Variants in HMCN1 observed in about 807,000 individuals in gnomAD.
HMCN1 encodes hemicentin 1.
HMCN1 carries 321 observed loss-of-function variants against 625.9 expected under a neutral mutation model. The ratio of observed to expected loss-of-function variants is 0.51; its 90% CI spans 0.47 to 0.56. The LOEUF is 0.56. Among genes scored for constraint, HMCN1 ranks in the 20% least tolerant of loss-of-function variants. HMCN1 has a pLI of 0.00. For synonymous variants in HMCN1, 2,425 were observed against 2,417.6 expected, an observed-to-expected ratio of 1.00 and a Z score of -0.09; for missense variants, 6,588 against 6,887.3, an observed-to-expected ratio of 0.96 and a Z score of 1.54.
intron 1 of HMCN1, among the ~76,000 whole-genome samples, chr1:185,823,905 A>G (rs1660351468): frequency 6.6e-6 from 1 of 152,152 alleles, no homozygotes; most frequent in Non-Finnish European, 1.5e-5. Context: ...ATGTGCGACT[A>G]TTTCTACTTT....
rs1030476336 is a variant in HMCN1 at position 186,115,406 on chromosome 1, C to T, written c.11553C>T (p.Asn3851=). 1.7e-5 allele frequency: 27 copies of T among 1,612,868 alleles called. No homozygotes were observed. Among genetic ancestry groups the T allele is most frequent in the Non-Finnish European group, 2.1e-5 (25 of 1,179,478 alleles). The change falls in exon 75 of 107, where the codon AAC becomes AAT. Residue 3851 remains asparagine, a synonymous_variant. Transcript: ENST00000271588. ...GHLLNVDQNQ[N]SYRLLSSGSL... is the part of the protein sequence containing the mutation. ...TTCTTAATGTGGATCAAAATCAGAA[C>T]TCATACAGGTAAGGATAATTTAAAA...
intron 105 of HMCN1, among the ~76,000 whole-genome samples, chr1:186,185,345 T>C (rs1310866879): frequency 6.6e-6 from 1 of 152,174 alleles, no homozygotes; most frequent in African/African-American, 2.4e-5. Flanking sequence ...ATAAGGCTAA[T>C]TGAATTTCAC....
At chr1:185,776,118 TTGA>T (rs1656586760) in intron 1 of HMCN1, among the ~76,000 whole-genome samples, 1 of 152,232 alleles carries the variant, frequency 6.6e-6, no homozygotes, top group Non-Finnish European at 1.5e-5. Flanking sequence ...TATTTATTTA[TTGA>T]TATTTCCTAT....
intron 95 of HMCN1, 133 bp downstream of exon 95, chr1:186,151,876 A>G: frequency 1.1e-6 from 1 of 897,134 alleles, no homozygotes; most frequent in Non-Finnish European, 1.7e-6. Flanking sequence ...TATAAAAGCA[A>G]TTTCATGTTT....
At chr1:186,056,437 A>G (rs993580707) in intron 45 of HMCN1, among the ~76,000 whole-genome samples, 7 of 152,020 alleles carry the variant, frequency 4.6e-5, no homozygotes, top group African/African-American at 1.7e-4. Context: ...ATGAATCCAT[A>G]TTACAAATTT....
chr1:185,909,500 A>C lies in HMCN1; in HGVS notation c.785A>C (p.Asn262Thr), dbSNP rs60502467. ...CCTTCTCCAATGATTGAAATTCGCA[A>C]TCCTTTAGGTGAGATATATCAAACA... ...SGPSPMIEIR[N>T]PLGKLIKKGF... Residue 262 changes from asparagine (N) to threonine (T), a missense_variant, in exon 5 of 107, where the codon AAT becomes ACT. This residue lies in a region of HMCN1 where 4,628 missense variants were observed against 4,853.1 expected (regional missense o/e 0.95). Coordinates refer to ENST00000271588, the MANE Select transcript of HMCN1 (RefSeq NM_031935.3). 2 of 1,612,854 alleles carry C rather than the reference A, an allele frequency of 1.2e-6. No homozygotes were observed. The highest frequency in any genetic ancestry group is 2.2e-5 in the South Asian group (2 of 91,058).
At chr1:185,854,908 T>G (rs949407440) in intron 2 of HMCN1, among the ~76,000 whole-genome samples, 2 of 152,178 alleles carry the variant, frequency 1.3e-5, no homozygotes, top group African/African-American at 4.8e-5. Flanking sequence ...CAATCTTCAT[T>G]AACTAGCTAA....
chr1:186,116,816 C>G (rs888014732), intron 75 of HMCN1, among the ~76,000 whole-genome samples, 178 bp from the exon 76 acceptor site: 2 of 152,158 alleles, frequency 1.3e-5, no homozygotes, highest in Non-Finnish European at 2.9e-5. Flanking sequence ...TAGAAAGCCA[C>G]TGCCATACAA....
intron 11 of HMCN1, among the ~76,000 whole-genome samples, chr1:185,938,542 T>G (rs1337630540): frequency 1.3e-5 from 2 of 152,092 alleles, no homozygotes; most frequent in African/African-American, 2.4e-5. Context: ...GTCAGATAAT[T>G]CATTTTCCTT....
chr1:186,126,832 G>A (rs1209872259), intron 82 of HMCN1, among the ~76,000 whole-genome samples: 1 of 152,082 alleles, frequency 6.6e-6, no homozygotes, highest in African/African-American at 2.4e-5. Flanking sequence ...GCAGGTTTTT[G>A]AGCAGGTGAG....
At position 186,088,236 on chromosome 1, in the gene HMCN1, A is replaced by G. The variant is rs760676634; in HGVS notation, c.9537A>G (p.Pro3179=). Residue 3179 remains proline (P), a synonymous_variant, in exon 62 of 107, where the codon CCA becomes CCG. Transcript: ENST00000271588. The part of the protein sequence containing the change: ...VTLTCDATGI[P]PPTIAWLKNH... ...TAACATGTGATGCCACTGGGATCCC[A>G]CCTCCCACGATAGCATGGTTAAAGA... is the stretch of plus-strand genomic sequence containing the variant. 8.1e-6 allele frequency: 13 copies of G among 1,612,718 alleles called. No homozygotes were observed. The South Asian group carries it at 1.4e-4, about 18-fold the overall frequency.
At chr1:186,032,746 GAAAAAAAAAAAGA>G (rs1006984356) in intron 36 of HMCN1, among the ~76,000 whole-genome samples, 1 of 25,408 alleles carries the variant, frequency 3.9e-5, no homozygotes, top group African/African-American at 2.2e-4. Context: ...TAAGTAAAAA[GAAAAAAAAAAAGA>G]AAAAAAAAGA....
Position 186,178,754 on chromosome 1 carries a change from G to T in HMCN1, c.16282G>T (p.Asp5428Tyr). Reference sequence around the variant, plus strand: ...CCCTGAAGGCTCTGAGGCAAGCCATGACACATGTGTAGGTAAATGTCAGCC... The same window carrying T: ...CCCTGAAGGCTCTGAGGCAAGCCATTACACATGTGTAGGTAAATGTCAGCC... ...TCPEGSEASH[D>Y]TCVDIDECEN... The change falls in exon 104 of 107, where the codon GAC (aspartate) becomes TAC (tyrosine). Residue 5428 changes from aspartate to tyrosine, a missense_variant. Asp to Tyr is a radical substitution (Grantham distance 160). Around this residue, in one of 3 missense-constraint regions of HMCN1, gnomAD observed 1,954 missense variants for 2,013.1 expected, o/e 0.97. Coordinates refer to ENST00000271588, the MANE Select transcript of HMCN1 (RefSeq NM_031935.3). 6.2e-7 allele frequency: 1 copy of T among 1,606,536 alleles called. No individual in the cohort carries two copies. Among genetic ancestry groups the T allele is most frequent in the South Asian group, 1.1e-5 (1 of 90,914 alleles).
intron 80 of HMCN1, 118 bp downstream of exon 80, chr1:186,120,263 G>C (rs1297166319): frequency 1.1e-5 from 13 of 1,144,728 alleles, no homozygotes; most frequent in African/African-American, 1.6e-5. Context: ...GACATTCTTA[G>C]TTTGCATTAT....
intron 11 of HMCN1, among the ~76,000 whole-genome samples, chr1:185,941,535 A>T (rs1668081516): frequency 1.3e-5 from 2 of 152,204 alleles, no homozygotes; most frequent in South Asian, 4.1e-4. Context: ...TCTGAACCAA[A>T]ATGAGGTCTA....
In HMCN1 at chr1:185,734,767, GAA is replaced by G; in HGVS notation, c.-6_-5del. On this transcript the variant is annotated 5_prime_UTR_variant, in exon 1 of 107. Transcript: ENST00000271588. ...AGGCGCTGAGGGGGAAAAAGAGGGG[GAA>G]AAAAAAGAAAATGATTTCCTGGGAA... is the stretch of plus-strand genomic sequence containing the variant. The G allele has an allele frequency of 6.2e-7, 1 of 1,612,910 alleles. No homozygotes were observed. The highest frequency in any genetic ancestry group is 8.5e-7 in the Non-Finnish European group (1 of 1,179,256).
At chr1:186,044,238 A>G (rs1247530630) in intron 40 of HMCN1, among the ~76,000 whole-genome samples, 1 of 152,196 alleles carries the variant, frequency 6.6e-6, no homozygotes, top group Non-Finnish European at 1.5e-5. Flanking sequence ...CTTTAACCTT[A>G]TCGAGAGCCA....
intron 89 of HMCN1, among the ~76,000 whole-genome samples, chr1:186,140,411 C>T (rs1439033715): frequency 2.0e-5 from 3 of 152,128 alleles, no homozygotes; most frequent in Non-Finnish European, 4.4e-5. Flanking sequence ...AACATCTCCT[C>T]ATGATTACAT....
At chr1:186,083,386 A>G (rs1005569909) in intron 57 of HMCN1, among the ~76,000 whole-genome samples, 1 of 152,006 alleles carries the variant, frequency 6.6e-6, no homozygotes, top group Non-Finnish European at 1.5e-5. Context: ...TCCCTGGAGA[A>G]GAAAAAGTCA....
Sources: allele counts gnomAD v4.1 joint callset (sites outside exome capture counted in the v4.1 genomes callset), GRCh38; gene constraint gnomAD v4.1.1; regional missense constraint gnomAD v4.1.1; transcripts MANE v1.5; gene names NCBI Gene and HGNC (gene_info 2026-07-23, HGNC 2026-07-21).